EYS: variants seen among roughly 807,000 people sequenced by gnomAD.
The protein encoded by EYS is protein eyes shut homolog.
EYS carries 250 observed loss-of-function variants against 282.1 expected under a neutral mutation model. The observed-to-expected ratio is 0.89, with a 90% CI of 0.80 to 0.98. EYS has a LOEUF of 0.98. EYS is among the 50% of genes least tolerant of loss of function. The probability of loss-of-function intolerance (pLI) is 0.00; values close to 1 mark genes in which losing one functional copy is unlikely to be tolerated. For missense variants in EYS, 4,016 were observed against 3,709.0 expected (o/e 1.08, Z -2.15); for synonymous variants, 1,355 against 1,282.9 (o/e 1.06, Z -1.20).
chr6:64,202,811 G>A (rs1260558475), intron 31 of EYS, among the ~76,000 whole-genome samples: 2 of 152,184 alleles, frequency 1.3e-5, no homozygotes, highest in South Asian at 2.1e-4. Flanking sequence ...TGAAGGCAGA[G>A]ATTAGAGTTA....
chr6:64,393,033 G>T (rs1433934256), intron 28 of EYS, among the ~76,000 whole-genome samples: 1 of 152,204 alleles, frequency 6.6e-6, no homozygotes, highest in Non-Finnish European at 1.5e-5. Flanking sequence ...AAATCTAGAA[G>T]AAATGGATAA....
intron 24 of EYS, among the ~76,000 whole-genome samples, chr6:64,613,095 T>G (rs746530643): frequency 2.0e-5 from 3 of 152,176 alleles, no homozygotes; most frequent in African/African-American, 4.8e-5. Flanking sequence ...TTTACACAGA[T>G]TGCATGTGCT....
At chr6:65,275,180 G>C (rs930721654) in intron 12 of EYS, among the ~76,000 whole-genome samples, 4 of 152,136 alleles carry the variant, frequency 2.6e-5, no homozygotes, top group Non-Finnish European at 4.4e-5. Context: ...GTTCCTATAG[G>C]TAAATCATAG....
intron 2 of EYS, among the ~76,000 whole-genome samples, chr6:65,576,227 C>T (rs1310801249): frequency 6.6e-6 from 1 of 151,876 alleles, no homozygotes; most frequent in Admixed American, 6.6e-5. Context: ...GGATCACTTA[C>T]TATAATCAAG....
At chr6:64,228,974 A>G (rs554491227) in intron 31 of EYS, among the ~76,000 whole-genome samples, 11 of 152,228 alleles carry the variant, frequency 7.2e-5, no homozygotes, top group African/African-American at 2.4e-4. Context: ...ATACACTAAC[A>G]TTAAAAAATT....
Position 64,070,256 on chromosome 6 carries a change from C to T in EYS, c.6572-3765G>A, listed in dbSNP as rs1771525266. Among the ~76,000 whole-genome samples the T allele has an allele frequency of 2.0e-5, 3 of 152,110 alleles. No individual in the cohort carries two copies. In the South Asian group the frequency reaches 6.2e-4, roughly 32 times the overall value. On this transcript the variant is annotated intron_variant, in intron 32 of 42. Coordinates refer to ENST00000503581, the MANE Select transcript of EYS (RefSeq NM_001142800.2). ...TTGCACTTTGAATGGATGTTTTACT[C>T]AGTCATAATTTTATAACATCACTAA... is the stretch of plus-strand genomic sequence containing the variant.
intron 18 of EYS, among the ~76,000 whole-genome samples, chr6:64,900,606 T>A (rs1165951015): frequency 6.6e-6 from 1 of 152,130 alleles, no homozygotes; most frequent in Non-Finnish European, 1.5e-5. Context: ...AAGACATTTA[T>A]GCAGGCAACA....
intron 18 of EYS, among the ~76,000 whole-genome samples, chr6:64,896,547 T>TG (rs111402497): frequency 0.6 from 86,628 of 144,866 alleles, 25,775 homozygotes; most frequent in Non-Finnish European, 0.66. Flanking sequence ...GAGTTGTTGT[T>TG]TTTTTTTTTT....
chr6:65,027,580 C>G (rs1772459915), intron 13 of EYS, among the ~76,000 whole-genome samples: 1 of 152,194 alleles, frequency 6.6e-6, no homozygotes, highest in Admixed American at 6.5e-5. Context: ...TCTCAACTTT[C>G]TGTCAACCAC....
intron 12 of EYS, among the ~76,000 whole-genome samples, chr6:65,180,794 T>C (rs1205839280): frequency 1.3e-5 from 2 of 152,132 alleles, no homozygotes; most frequent in African/African-American, 2.4e-5. Flanking sequence ...TCACCCTACC[T>C]GACTTCAAAC....
At chr6:64,216,098 T>C (rs1405933015) in intron 31 of EYS, among the ~76,000 whole-genome samples, 1 of 152,162 alleles carries the variant, frequency 6.6e-6, no homozygotes, top group Admixed American at 6.5e-5. Context: ...TTAGCAGGCA[T>C]TGGATTGTGA....
chr6:65,680,450 A>G lies in EYS; in HGVS notation c.-448+26685T>C, dbSNP rs780167897. 1.5e-4 allele frequency among the ~76,000 whole-genome samples: 23 copies of G among 151,988 alleles called. 1 individual carries two copies. The highest frequency in any genetic ancestry group is 1.4e-3 in the Admixed American group (21 of 15,212). On this transcript the variant is annotated intron_variant, in intron 1 of 42. Coordinates refer to ENST00000503581, the MANE Select transcript of EYS (RefSeq NM_001142800.2). Reference sequence around the variant, plus strand: ...GAACTTTATTAAAAGCATCATCAGCATTTTATTCATTCTATAGTAAAGAAA... The same window carrying G: ...GAACTTTATTAAAAGCATCATCAGCGTTTTATTCATTCTATAGTAAAGAAA...
At chr6:64,233,218 A>G (rs573093381) in intron 30 of EYS, among the ~76,000 whole-genome samples, 185 of 152,304 alleles carry the variant, frequency 1.2e-3, no homozygotes, top group African/African-American at 4.3e-3. Context: ...ATTGATCCGA[A>G]AACATCAGGA....
chr6:64,834,206 G>A (rs1765311799), intron 19 of EYS, among the ~76,000 whole-genome samples: 1 of 151,850 alleles, frequency 6.6e-6, no homozygotes, highest in South Asian at 2.1e-4. Context: ...ACCAAAAAGC[G>A]ATCTGAAACT....
At chr6:65,440,067 G>GA (rs552503158) in intron 5 of EYS, among the ~76,000 whole-genome samples, 46 of 152,030 alleles carry the variant, frequency 3.0e-4, no homozygotes, top group African/African-American at 8.2e-4. Flanking sequence ...AGTTTTCAGA[G>GA]AAAAAATTAA....
intron 11 of EYS, among the ~76,000 whole-genome samples, chr6:65,318,998 T>C (rs1042507227): frequency 2.0e-5 from 3 of 151,672 alleles, no homozygotes; most frequent in African/African-American, 4.8e-5. Flanking sequence ...TATTTTCTAC[T>C]TTTGATTTGT....
chr6:64,196,752 A>C (rs1196241001), intron 31 of EYS, among the ~76,000 whole-genome samples: 1 of 112,760 alleles, frequency 8.9e-6, no homozygotes, highest in Non-Finnish European at 1.8e-5. Context: ...GGTGGGGTGG[A>C]GGGAGGGGGG....
intron 12 of EYS, among the ~76,000 whole-genome samples, chr6:65,216,570 T>A (rs1252337653): frequency 1.3e-5 from 2 of 151,894 alleles, no homozygotes; most frequent in Admixed American, 6.6e-5. Context: ...TTAAGGCACA[T>A]TTTTATATTA....
intron 12 of EYS, among the ~76,000 whole-genome samples, chr6:65,065,576 G>A (rs1415475951): frequency 1.3e-5 from 2 of 151,472 alleles, no homozygotes; most frequent in Non-Finnish European, 2.9e-5. Context: ...TAGTAGAGAC[G>A]GGGTTTCACA....
Sources: allele counts gnomAD v4.1 joint callset (sites outside exome capture counted in the v4.1 genomes callset), GRCh38; gene constraint gnomAD v4.1.1; transcripts MANE v1.5; gene names NCBI Gene and HGNC (gene_info 2026-07-23, HGNC 2026-07-21).